The following CRYL1 variants were observed in gnomAD, a reference collection of about 807,000 sequenced individuals.
CRYL1 encodes the protein lambda-crystallin homolog.
Under a neutral mutation model 36.6 loss-of-function variants are expected in CRYL1, and 29 were observed. That is an observed-to-expected ratio of 0.79 (90% confidence interval 0.59 to 1.08). The LOEUF (loss-of-function observed/expected upper bound fraction) is 1.08. Among genes scored for constraint, CRYL1 ranks in the 50% least tolerant of loss-of-function variants. The pLI, the probability that CRYL1 is intolerant of heterozygous loss-of-function variation, is 0.00. For missense variants in CRYL1, 411 were observed against 407.9 expected, an observed-to-expected ratio of 1.01 and a Z score of -0.06; for synonymous variants, 152 against 151.5, an observed-to-expected ratio of 1.00 and a Z score of -0.02.
intron 1 of CRYL1, among the ~76,000 whole-genome samples, chr13:20,518,558 G>A (rs1593505176): frequency 1.3e-5 from 2 of 152,222 alleles, no homozygotes; most frequent in South Asian, 4.1e-4. Flanking sequence ...AGCAATGGAG[G>A]GATTTTGGTT....
At chr13:20,438,217 C>T (rs1200653860) in intron 4 of CRYL1, among the ~76,000 whole-genome samples, 1 of 152,186 alleles carries the variant, frequency 6.6e-6, no homozygotes, top group Non-Finnish European at 1.5e-5. Context: ...CACATAAAAC[C>T]TGGTGGGCAT....
chr13:20,404,688 T>C lies in CRYL1; in HGVS notation c.793A>G (p.Thr265Ala). 6.2e-7 allele frequency: 1 copy of C among 1,614,096 alleles called. No individual in the cohort carries two copies. Among genetic ancestry groups the C allele is most frequent in the Non-Finnish European group, 8.5e-7 (1 of 1,179,946 alleles). ...GAAAACTCTGGAATGGGTCCAAAAG[T>C]CTGTAGGACATGTTTTATGCCTTCG... ...YSEGIKHVLQ[T>A]FGPIPEFSRA... The change falls in exon 7 of 8, where the codon ACT becomes GCT. Residue 265 changes from threonine (T) to alanine (A), a missense_variant. Physicochemically the swap from Thr to Ala is moderately conservative, Grantham distance 58. Coordinates refer to ENST00000298248, the MANE Select transcript of CRYL1 (RefSeq NM_015974.3).
intron 6 of CRYL1, among the ~76,000 whole-genome samples, chr13:20,407,776 G>A (rs769648819): frequency 6.6e-6 from 1 of 152,244 alleles, no homozygotes; most frequent in African/African-American, 2.4e-5. Context: ...TGATTCTCAT[G>A]AGATTGGATG....
intron 5 of CRYL1, chr13:20,430,782 A>C: frequency 1.0e-6 from 1 of 985,462 alleles, no homozygotes; most frequent in Non-Finnish European, 1.2e-6. Flanking sequence ...ACAAGGTTTA[A>C]TTCAACAAGT....
At chr13:20,485,145 G>A (rs1021931988) in intron 3 of CRYL1, among the ~76,000 whole-genome samples, 1 of 152,096 alleles carries the variant, frequency 6.6e-6, no homozygotes, top group Non-Finnish European at 1.5e-5. Flanking sequence ...AGCCTCTCAA[G>A]TAGCTGGAAT....
chr13:20,419,406 G>T (rs1046991636), intron 5 of CRYL1, among the ~76,000 whole-genome samples: 1 of 152,166 alleles, frequency 6.6e-6, no homozygotes, highest in Admixed American at 6.5e-5. Context: ...CGATTCTCCT[G>T]CTTCGGCCTC....
chr13:20,476,750 G>C (rs1409754499), intron 3 of CRYL1: 1 of 152,310 alleles, frequency 6.6e-6, no homozygotes, highest in African/African-American at 2.4e-5. Context: ...TCAGCAGGGC[G>C]AGGTAGCTTA....
At chr13:20,441,943 T>C (rs1339246566) in intron 3 of CRYL1, among the ~76,000 whole-genome samples, 1 of 151,822 alleles carries the variant, frequency 6.6e-6, no homozygotes, top group Non-Finnish European at 1.5e-5. Context: ...AAAAAAAAAA[T>C]CAGTCATTTA....
At chr13:20,493,682 GAGA>G (rs1488064028) in intron 2 of CRYL1, among the ~76,000 whole-genome samples, 4 of 152,072 alleles carry the variant, frequency 2.6e-5, no homozygotes, top group Non-Finnish European at 5.9e-5. Flanking sequence ...AAGAAAGAAG[GAGA>G]AGGAGAAGGA....
Position 20,485,354 on chromosome 13 carries a change from G to T in CRYL1, c.276+4016C>A, listed in dbSNP as rs920576721. The stretch of plus-strand genomic sequence containing the variant: ...TTTTAAAATTCAGAGGATTAAATTT[G>T]CTTTACATCATATAAAGAAATGTGT... On this transcript the variant is annotated intron_variant, in intron 3 of 7. Coordinates refer to ENST00000298248, the MANE Select transcript of CRYL1 (RefSeq NM_015974.3). 3.9e-5 allele frequency among the ~76,000 whole-genome samples: 6 copies of T among 152,034 alleles called. No homozygotes were observed. In the South Asian group the frequency reaches 8.3e-4, roughly 21 times the overall value.
At chr13:20,454,419 G>GT (rs59272530) in intron 3 of CRYL1, among the ~76,000 whole-genome samples, 2,503 of 133,916 alleles carry the variant, frequency 0.019, 62 homozygotes, top group African/African-American at 0.056. Flanking sequence ...ATTCGTGTTT[G>GT]TTTTTTTTTT....
At chr13:20,495,416 G>A (rs898514297) in intron 2 of CRYL1, among the ~76,000 whole-genome samples, 2 of 152,136 alleles carry the variant, frequency 1.3e-5, no homozygotes, top group African/African-American at 2.4e-5. Context: ...AATTCTCACG[G>A]TAGGACAGGG....
chr13:20,515,482 G>T (rs2137514486), intron 1 of CRYL1, among the ~76,000 whole-genome samples: 1 of 152,250 alleles, frequency 6.6e-6, no homozygotes, highest in African/African-American at 2.4e-5. Flanking sequence ...CTTAAATTTA[G>T]TTGAGTAGAA....
chr13:20,460,565 G>T (rs537938573), intron 3 of CRYL1, among the ~76,000 whole-genome samples: 126 of 123,938 alleles, frequency 1.0e-3, no homozygotes, highest in Middle Eastern at 5.7e-3. Context: ...TCGCTCTGTC[G>T]CCCAGGCTGG....
At chr13:20,454,578 C>G (rs1289498627) in intron 3 of CRYL1, among the ~76,000 whole-genome samples, 4 of 151,978 alleles carry the variant, frequency 2.6e-5, no homozygotes, top group Non-Finnish European at 4.4e-5. Flanking sequence ...CCACCACACC[C>G]GGCTAATTTT....
At chr13:20,464,289 G>A in intron 3 of CRYL1, among the ~76,000 whole-genome samples, 1 of 152,164 alleles carries the variant, frequency 6.6e-6, no homozygotes, top group African/African-American at 2.4e-5. Flanking sequence ...AGCTACTCAG[G>A]AGGTTGAGGC....
At chr13:20,432,376 A>G (rs1199923924) in intron 4 of CRYL1, 80 bp from the exon 5 acceptor site, 11 of 965,174 alleles carry the variant, frequency 1.1e-5, no homozygotes, top group Non-Finnish European at 1.7e-5. Context: ...AATGGTCAGG[A>G]GCAGCAGATG....
At chr13:20,480,447 C>T (rs1440415996) in intron 3 of CRYL1, among the ~76,000 whole-genome samples, 16 of 152,198 alleles carry the variant, frequency 1.1e-4, no homozygotes, top group African/African-American at 3.9e-4. Context: ...CCAAAATGCC[C>T]AAACTGAAAG....
intron 2 of CRYL1, among the ~76,000 whole-genome samples, chr13:20,501,082 G>C (rs2033694642): frequency 6.6e-6 from 1 of 152,104 alleles, no homozygotes; most frequent in Admixed American, 6.5e-5. Context: ...GATTTTAGGT[G>C]GTCAGGGAGA....
Sources: gnomAD v4.1 joint callset for allele counts (sites outside exome capture counted in the v4.1 genomes callset) on GRCh38, gnomAD v4.1.1 for gene constraint, MANE v1.5 for transcripts, NCBI Gene and HGNC (gene_info 2026-07-23, HGNC 2026-07-21) for gene names.